GABRR1: variants seen among roughly 807,000 people sequenced by gnomAD.
The protein encoded by GABRR1 is gamma-aminobutyric acid type A receptor subunit rho1, also known as gamma-aminobutyric acid receptor subunit rho-1.
Under a neutral mutation model 55.5 loss-of-function variants are expected in GABRR1, and 59 were observed. That is an observed-to-expected ratio of 1.06 (90% CI 0.86 to 1.32). The LOEUF (loss-of-function observed/expected upper bound fraction) is 1.32. GABRR1 is among the 40% of genes most tolerant of loss of function. The pLI is 0.00. For missense variants in GABRR1, 602 were observed against 619.1 expected (o/e 0.97, Z 0.29); for synonymous variants, 213 against 226.0 (o/e 0.94, Z 0.51).
intron 2 of GABRR1, among the ~76,000 whole-genome samples, chr6:89,201,827 T>C (rs1772484464): frequency 6.6e-6 from 1 of 151,562 alleles, no homozygotes; most frequent in South Asian, 2.1e-4. Context: ...TCCGAGATGC[T>C]GATTTGGACT....
At chr6:89,181,746 T>C (rs1005045047) in intron 8 of GABRR1, among the ~76,000 whole-genome samples, 159 bp downstream of exon 8, 1 of 152,164 alleles carries the variant, frequency 6.6e-6, no homozygotes, top group Non-Finnish European at 1.5e-5. Flanking sequence ...GATTCCTAAT[T>C]ACAGGATTTT....
At chr6:89,219,028 G>C (rs1361255244), upstream of GABRR1, among the ~76,000 whole-genome samples, 2 of 152,202 alleles carry the variant, frequency 1.3e-5, no homozygotes. Context: ...CACTTTGGGA[G>C]GCCAAGGTGG....
At chr6:89,201,754 G>A (rs142385195) in intron 2 of GABRR1, among the ~76,000 whole-genome samples, 11 of 145,770 alleles carry the variant, frequency 7.5e-5, no homozygotes, top group African/African-American at 2.8e-4. Flanking sequence ...ACTCCAGCCT[G>A]GGCAACAGAG....
intron 2 of GABRR1, among the ~76,000 whole-genome samples, chr6:89,203,148 T>C (rs116647069): frequency 0.011 from 1,665 of 152,270 alleles, 37 homozygotes; most frequent in African/African-American, 0.038. Flanking sequence ...AGGGAAAGAA[T>C]TGGAACCAGT....
At chr6:89,194,590 A>G (rs1292904833) in intron 5 of GABRR1, among the ~76,000 whole-genome samples, 3 of 152,204 alleles carry the variant, frequency 2.0e-5, no homozygotes, top group Non-Finnish European at 2.9e-5. Context: ...AATCCAAAAT[A>G]GCAATTTTAA....
At chr6:89,201,310 GA>G in intron 2 of GABRR1, 45 bp from the exon 3 acceptor site, 1 of 1,318,258 alleles carries the variant, frequency 7.6e-7, no homozygotes, top group South Asian at 1.2e-5. Context: ...TTCCAACCAA[GA>G]CAAATAAACA....
chr6:89,226,577 G>A (rs1356074443), intron 1 of GABRR1, among the ~76,000 whole-genome samples: 1 of 146,124 alleles, frequency 6.8e-6, no homozygotes, highest in Non-Finnish European at 1.5e-5. Context: ...ATAGTTGTAG[G>A]TATGCGGCGT....
chr6:89,209,080 A>G (rs983944162), intron 1 of GABRR1, among the ~76,000 whole-genome samples: 8 of 152,186 alleles, frequency 5.3e-5, no homozygotes, highest in African/African-American at 1.9e-4. Flanking sequence ...GAGTAAAAAG[A>G]ACACATCAAG....
intron 5 of GABRR1, among the ~76,000 whole-genome samples, chr6:89,190,526 T>C (rs897163882): frequency 6.6e-6 from 1 of 152,242 alleles, no homozygotes; most frequent in Non-Finnish European, 1.5e-5. Context: ...ATGGTCTCAA[T>C]GAATATAATA....
rs906020905 is a variant in GABRR1, at chr6:89,177,579, G to T, written c.*1191C>A. The T allele has an allele frequency of 6.6e-6, 1 of 152,134 alleles. No homozygotes were observed. Among genetic ancestry groups the T allele is most frequent in the Non-Finnish European group, 1.5e-5 (1 of 68,026 alleles). The allele number at this position is 152,134 out of a possible 1,614,324, so 9.4% of individuals were successfully genotyped here. On this transcript the variant is annotated 3_prime_UTR_variant, in exon 10 of 10. Coordinates refer to ENST00000454853, the MANE Select transcript of GABRR1 (RefSeq NM_002042.5). Reference sequence around the variant, plus strand: ...TGTTTGGGTAAGTTTGGTGGAGGTTGATCTATATAGCAGATATATAATATA... The same window carrying T: ...TGTTTGGGTAAGTTTGGTGGAGGTTTATCTATATAGCAGATATATAATATA...
rs1050682988 is a variant in GABRR1, at chr6:89,217,237, G to A, written c.86C>T (p.Pro29Leu). ...AGACATCTCGTGGACTTCTCTTCCGGGCCAGTGCATTCTGCTTTCAGTGGC... is the reference window on the plus strand; with the variant it reads ...AGACATCTCGTGGACTTCTCTTCCGAGCCAGTGCATTCTGCTTTCAGTGGC... ...VLATESRMHW[P>L]GREVHEMSKK... Residue 29 changes from proline (P) to leucine (L), a missense_variant, in exon 1 of 10, where the codon CCC becomes CTC. Transcript: ENST00000454853. The A allele has an allele frequency of 1.9e-6, 3 of 1,613,800 alleles. No homozygotes were observed. The highest frequency in any genetic ancestry group is 2.5e-6 in the Non-Finnish European group (3 of 1,179,926).
At chr6:89,219,854 G>A (rs1773086613), upstream of GABRR1, among the ~76,000 whole-genome samples, 1 of 152,114 alleles carries the variant, frequency 6.6e-6, no homozygotes, top group African/African-American at 2.4e-5. Flanking sequence ...AATCTTCAAT[G>A]TCTGTTCATT....
intron 1 of GABRR1, among the ~76,000 whole-genome samples, chr6:89,224,059 C>T (rs1437509915): frequency 6.6e-6 from 1 of 151,634 alleles, no homozygotes; most frequent in Admixed American, 6.6e-5. Context: ...CCACGCCTGG[C>T]CGCCAGGGGT....
intron 1 of GABRR1, among the ~76,000 whole-genome samples, chr6:89,224,982 C>T (rs1363795299): frequency 1.3e-5 from 2 of 152,166 alleles, no homozygotes; most frequent in East Asian, 3.9e-4. Flanking sequence ...GGAGTTTCAC[C>T]ATGTCGGCCA....
intron 1 of GABRR1, among the ~76,000 whole-genome samples, chr6:89,222,690 G>C (rs189498271): frequency 6.6e-6 from 1 of 152,266 alleles, no homozygotes; most frequent in African/African-American, 2.4e-5. Flanking sequence ...GCTGGTGTTG[G>C]TGTCACTCTG....
At chr6:89,181,204 T>C (rs879413680) in intron 8 of GABRR1, among the ~76,000 whole-genome samples, 2 of 152,182 alleles carry the variant, frequency 1.3e-5, no homozygotes. Context: ...GAACATTTGT[T>C]TGGCAAACAT....
At chr6:89,203,081 C>T (rs528793627) in intron 2 of GABRR1, among the ~76,000 whole-genome samples, 1 of 152,290 alleles carries the variant, frequency 6.6e-6, no homozygotes, top group Admixed American at 6.5e-5. Context: ...CTGAACCCAC[C>T]AGGAAGTGTC....
At chr6:89,180,226 C>T (rs1771673400) in intron 9 of GABRR1, 66 bp downstream of exon 9, 1 of 1,540,186 alleles carries the variant, frequency 6.5e-7, no homozygotes, top group Non-Finnish European at 8.8e-7. Context: ...GTCTGCCCTG[C>T]CTGAGGTTCC....
At chr6:89,182,166 G>T in intron 7 of GABRR1, 109 bp from the exon 8 acceptor site, 1 of 997,282 alleles carries the variant, frequency 1.0e-6, no homozygotes, top group Non-Finnish European at 1.5e-6. Flanking sequence ...CTCTTATCAT[G>T]TCTTTATAAG....
Sources: allele counts gnomAD v4.1 joint callset (sites outside exome capture counted in the v4.1 genomes callset), GRCh38; gene constraint gnomAD v4.1.1; transcripts MANE v1.5; gene names NCBI Gene and HGNC (gene_info 2026-07-23, HGNC 2026-07-21).